CHID1: variants seen among roughly 807,000 people sequenced by gnomAD.
CHID1 encodes chitinase domain containing 1.
CHID1 carries 44 observed loss-of-function variants against 55.4 expected under a neutral mutation model. That is an observed-to-expected ratio of 0.79 (90% CI 0.62 to 1.02). The LOEUF is 1.02. Ranked by LOEUF, CHID1 falls within the 50% of genes least tolerant of loss-of-function variation. The pLI is 0.00. For missense variants in CHID1, 491 were observed against 515.3 expected (o/e 0.95, Z 0.46); for synonymous variants, 216 against 212.9 (o/e 1.01, Z -0.13).
At chr11:914,528 A>G (rs773199528), upstream of CHID1, 28 of 1,289,188 alleles carry the variant, frequency 2.2e-5, no homozygotes, top group Middle Eastern at 2.1e-4. Context: ...CTTACCTGGG[A>G]TATTCCTGGG....
chr11:882,501 G>A (rs1850037530), intron 10 of CHID1: 1 of 152,246 alleles, frequency 6.6e-6, no homozygotes, highest in African/African-American at 2.4e-5. Context: ...GCAGACTCAA[G>A]AGGCTCCATG....
chr11:908,151 G>C (rs932666247), intron 1 of CHID1: 1 of 152,274 alleles, frequency 6.6e-6, no homozygotes, highest in Non-Finnish European at 1.5e-5. Flanking sequence ...CCCCCACCTA[G>C]GAGGCAGGGA....
At chr11:901,491 A>G (rs1851806771) in intron 4 of CHID1, among the ~76,000 whole-genome samples, 1 of 152,214 alleles carries the variant, frequency 6.6e-6, no homozygotes. Context: ...GCAGCCACGT[A>G]AACTCGGGCA....
intron 7 of CHID1, 77 bp downstream of exon 7, chr11:899,263 C>T: frequency 6.9e-7 from 1 of 1,442,314 alleles, no homozygotes; most frequent in Non-Finnish European, 9.5e-7. Flanking sequence ...CTCCCCAAAC[C>T]CCTGGTCTTT....
At chr11:882,566 C>T (rs1016443419) in intron 10 of CHID1, 2 of 152,794 alleles carry the variant, frequency 1.3e-5, no homozygotes, top group Admixed American at 1.3e-4. Context: ...CAAAACCAGC[C>T]ATAAATACAA....
chr11:883,995 G>T, intron 9 of CHID1, 73 bp downstream of exon 9: 1 of 1,185,844 alleles, frequency 8.4e-7, no homozygotes, highest in Non-Finnish European at 1.3e-6. Context: ...GTGCCCAGGA[G>T]CCCCCCAGGT....
chr11:904,966 T>C lies in CHID1; in HGVS notation c.-43-107A>G, dbSNP rs552991298. 6.2e-5 allele frequency: 75 copies of C among 1,209,722 alleles called. No individual in the cohort carries two copies. The African/African-American group carries it at 1.1e-3, about 17-fold the overall frequency. 74.9% of individuals were successfully genotyped at this position (1,209,722 alleles called of 1,614,324 possible). On this transcript the variant is annotated intron_variant, in intron 1 of 12. Coordinates refer to ENST00000323578, the MANE Select transcript of CHID1 (RefSeq NM_023947.4). Reference sequence around the variant, plus strand: ...TCTCCTAATAGGGCCTGGGTCCTCATGGCACTGGATGGACCCTTGGCCACT... The same window carrying C: ...TCTCCTAATAGGGCCTGGGTCCTCACGGCACTGGATGGACCCTTGGCCACT...
intron 2 of CHID1, chr11:903,593 C>A: frequency 4.6e-6 from 1 of 215,728 alleles, no homozygotes. Context: ...CCAGCCTGGT[C>A]AACATGGTGA....
chr11:902,754 C>G (rs1223298422), intron 3 of CHID1, among the ~76,000 whole-genome samples: 1 of 152,204 alleles, frequency 6.6e-6, no homozygotes, highest in Non-Finnish European at 1.5e-5. Flanking sequence ...GAGATCAGCA[C>G]AGCAAGCCCC....
chr11:884,371 C>T (rs1850242476), intron 8 of CHID1, among the ~76,000 whole-genome samples: 1 of 152,112 alleles, frequency 6.6e-6, no homozygotes, highest in African/African-American at 2.4e-5. Context: ...ATGTGGTCAT[C>T]GGGGCCCAGA....
At chr11:902,118 A>T in intron 4 of CHID1, 80 bp downstream of exon 4, 3 of 1,421,478 alleles carry the variant, frequency 2.1e-6, no homozygotes, top group East Asian at 2.4e-5. Flanking sequence ...ATACCTACTC[A>T]CACACACACA....
chr11:895,645 G>T (rs1240897182), intron 7 of CHID1, among the ~76,000 whole-genome samples: 1 of 152,124 alleles, frequency 6.6e-6, no homozygotes, highest in Non-Finnish European at 1.5e-5. Context: ...TAAGGGCACT[G>T]CCAACAAACT....
chr11:894,501 A>G (rs1271908191), intron 7 of CHID1, among the ~76,000 whole-genome samples: 2 of 152,202 alleles, frequency 1.3e-5, no homozygotes, highest in African/African-American at 4.8e-5. Flanking sequence ...CCTGGAGCAC[A>G]TGCTGCTGCA....
Position 875,570 on chromosome 11 carries a change from G to A in CHID1, c.960-5071C>T, listed in dbSNP as rs1043332666. On this transcript the variant is annotated intron_variant, in intron 10 of 12. Coordinates refer to ENST00000323578, the MANE Select transcript of CHID1 (RefSeq NM_023947.4). This position sits in a 1 kb window ranked among gnomAD's most constrained non-coding sequence, Gnocchi z 4.7. ...GAGCGCTGGGGTGTTAGGAGAACAC[G>A]GTGAGCATGAGGCCGGGGATCGGGG... Among the ~76,000 whole-genome samples the A allele has an allele frequency of 1.3e-5, 2 of 152,308 alleles. No individual in the cohort carries two copies. Among genetic ancestry groups the A allele is most frequent in the South Asian group, 2.1e-4 (1 of 4,828 alleles).
At chr11:914,829 G>A, upstream of CHID1, 1 of 336,750 alleles carries the variant, frequency 3.0e-6, no homozygotes, top group Non-Finnish European at 5.8e-6. Context: ...GCTCCTGGGT[G>A]GGGTCGCGGC....
At chr11:905,465 T>G (rs1346144977) in intron 1 of CHID1, among the ~76,000 whole-genome samples, 1 of 152,116 alleles carries the variant, frequency 6.6e-6, no homozygotes, top group Non-Finnish European at 1.5e-5. Flanking sequence ...AGGTCAGGAA[T>G]TCATGACCAG....
chr11:879,883 C>T (rs1254391235), intron 10 of CHID1, among the ~76,000 whole-genome samples: 1 of 152,202 alleles, frequency 6.6e-6, no homozygotes, highest in Non-Finnish European at 1.5e-5. Context: ...ACCCAAAGGT[C>T]CCAGAACCAG....
At chr11:902,149 C>G in intron 4 of CHID1, 49 bp downstream of exon 4, 1 of 1,608,062 alleles carries the variant, frequency 6.2e-7, no homozygotes, top group African/African-American at 1.3e-5. Flanking sequence ...CGCACTCACA[C>G]TCTTTTCAGC....
chr11:870,287 C>T, intron 11 of CHID1, 124 bp from the exon 12 acceptor site: 1 of 1,415,836 alleles, frequency 7.1e-7, no homozygotes, highest in Non-Finnish European at 9.9e-7. Flanking sequence ...TCCAGCTGTG[C>T]TCCAGGGCCG....
Sources: allele counts gnomAD v4.1 joint callset (sites outside exome capture counted in the v4.1 genomes callset), GRCh38; gene constraint gnomAD v4.1.1; non-coding constraint Gnocchi (gnomAD v3.1); transcripts MANE v1.5; gene names NCBI Gene and HGNC (gene_info 2026-07-23, HGNC 2026-07-21).